Variants in GHRHR observed in about 807,000 individuals in gnomAD.
GHRHR encodes growth hormone-releasing hormone receptor.
Under a neutral mutation model 58.3 loss-of-function variants are expected in GHRHR, and 40 were observed. The observed-to-expected ratio is 0.69, with a 90% confidence interval of 0.53 to 0.89. The LOEUF is 0.89. GHRHR is among the 40% of genes least tolerant of loss of function. The probability of loss-of-function intolerance (pLI) is 0.00; values close to 1 mark genes in which losing one functional copy is unlikely to be tolerated. For synonymous variants in GHRHR, 249 were observed against 216.6 expected, an observed-to-expected ratio of 1.15 and a Z score of -1.31; for missense variants, 551 against 541.3, an observed-to-expected ratio of 1.02 and a Z score of -0.18.
At chr7:30,965,856 T>C (rs1562591690) in intron 1 of GHRHR, among the ~76,000 whole-genome samples, 1 of 152,164 alleles carries the variant, frequency 6.6e-6, no homozygotes. Flanking sequence ...TGCTCTTCCT[T>C]CCCCGCTTTG....
intron 9 of GHRHR, 142 bp from the exon 10 acceptor site, chr7:30,975,635 G>A: frequency 1.5e-6 from 1 of 683,634 alleles, no homozygotes; most frequent in Non-Finnish European, 2.7e-6. Context: ...CTGGAGCAAT[G>A]ATCTGTGCAT....
chr7:30,970,682 G>A (rs938561692), intron 4 of GHRHR, among the ~76,000 whole-genome samples: 5 of 152,176 alleles, frequency 3.3e-5, no homozygotes, highest in South Asian at 2.1e-4. Context: ...ACTTGGCCAC[G>A]GAAACCTTTT....
At chr7:30,971,059 GC>G (rs1792471545) in intron 4 of GHRHR, 59 bp from the exon 5 acceptor site, 1 of 774,918 alleles carries the variant, frequency 1.3e-6, no homozygotes, top group African/African-American at 1.7e-5. Flanking sequence ...TGATTGTCAA[GC>G]CTCTCTTTCC....
At chr7:30,971,009 T>TG in intron 4 of GHRHR, 110 bp from the exon 5 acceptor site, 1 of 707,342 alleles carries the variant, frequency 1.4e-6, no homozygotes, top group Non-Finnish European at 2.6e-6. Context: ...TGCCTCCAGA[T>TG]GGGGAGTGTT....
rs1280448070 is a variant in GHRHR, at chr7:30,979,293, C to T, written c.*49C>T. ...TCCACACTTGAATTTGGGCAGCTAC[C>T]ACGGGTCTGCCATGCTCTGGAGGAG... On this transcript the variant is annotated 3_prime_UTR_variant, in exon 13 of 13. Transcript: ENST00000326139. The T allele has an allele frequency of 1.3e-6, 2 of 1,593,442 alleles. No homozygotes were observed. Among genetic ancestry groups the T allele is most frequent in the Non-Finnish European group, 1.7e-6 (2 of 1,166,822 alleles).
Position 30,979,201 on chromosome 7 carries a change from C to G in GHRHR, c.1229C>G (p.Thr410Arg). Reference sequence around the variant, plus strand: ...TGGAGGACCCGTGCTAAGTGGACCACGCCTTCCCGCTCGGCGGCAAAGGTG... The same window carrying G: ...TGGAGGACCCGTGCTAAGTGGACCAGGCCTTCCCGCTCGGCGGCAAAGGTG... The part of the protein sequence containing the change: ...PAWRTRAKWT[T>R]PSRSAAKVLT... Residue 410 changes from threonine to arginine, a missense_variant, in exon 13 of 13, where the codon ACG (threonine) becomes AGG (arginine). Thr to Arg is a moderately conservative substitution (Grantham distance 71). Transcript: ENST00000326139. 1 of 1,614,020 alleles carries G rather than the reference C, an allele frequency of 6.2e-7. No homozygotes were observed. The highest frequency in any genetic ancestry group is 8.5e-7 in the Non-Finnish European group (1 of 1,179,848).
intron 4 of GHRHR, chr7:30,970,850 C>T: frequency 1.9e-6 from 1 of 524,490 alleles, no homozygotes. Context: ...TCTGCGGCTG[C>T]CTCTCCTCAC....
rs1244351992 is a variant in GHRHR, at chr7:30,969,848, A to T, written c.269-19A>T. 1.9e-6 allele frequency: 3 copies of T among 1,613,062 alleles called. No homozygotes were observed. Among genetic ancestry groups the T allele is most frequent in the Non-Finnish European group, 2.5e-6 (3 of 1,179,080 alleles). ...GAGAGGGAAGGAGTTGTGGCTAGAG[A>T]GTCTTGCTTGCCTCCCAGGGGCTGT... On this transcript the variant is annotated intron_variant, in intron 3 of 12. Coordinates refer to ENST00000326139, the MANE Select transcript of GHRHR (RefSeq NM_000823.4).
At chr7:30,975,894 A>G in intron 10 of GHRHR, 26 bp downstream of exon 10, 1 of 1,319,230 alleles carries the variant, frequency 7.6e-7, no homozygotes, top group Non-Finnish European at 1.1e-6. Context: ...GTCTGGGGAT[A>G]CTGGGAAAGG....
At chr7:30,977,219 G>T in intron 11 of GHRHR, 62 bp from the exon 12 acceptor site, 1 of 1,474,790 alleles carries the variant, frequency 6.8e-7, no homozygotes. Context: ...GCAGAAAGAC[G>T]GTGGACACCT....
At chr7:30,974,709 T>G (rs1792542826) in intron 8 of GHRHR, among the ~76,000 whole-genome samples, 1 of 148,890 alleles carries the variant, frequency 6.7e-6, no homozygotes, top group East Asian at 2.0e-4. Flanking sequence ...TGGGGGAAGG[T>G]GGGGTGAGGG....
rs200997755 is a variant in GHRHR at position 30,975,051 on chromosome 7, G to A, written c.882+11G>A. 1.0e-4 allele frequency: 158 copies of A among 1,585,466 alleles called. No individual in the cohort carries two copies. In the East Asian group the frequency reaches 3.5e-3, roughly 35 times the overall value. On this transcript the variant is annotated intron_variant, in intron 9 of 12. Coordinates refer to ENST00000326139, the MANE Select transcript of GHRHR (RefSeq NM_000823.4). ...GTCCTCTCGGTCGGGGTCAGTCCCT[G>A]GGCCAGTGCCCTTTGCTTTATTCAG...
intron 12 of GHRHR, 27 bp downstream of exon 12, chr7:30,977,349 A>G (rs1200736025): frequency 6.2e-7 from 1 of 1,608,164 alleles, no homozygotes; most frequent in Non-Finnish European, 8.5e-7. Context: ...GCTATCCCTC[A>G]TGGAGTCCCC....
chr7:30,978,615 C>T (rs1488914316), intron 12 of GHRHR, among the ~76,000 whole-genome samples: 1 of 152,148 alleles, frequency 6.6e-6, no homozygotes, highest in Non-Finnish European at 1.5e-5. Flanking sequence ...AGCACCCCCA[C>T]CCCCCAATCC....
Position 30,969,077 on chromosome 7 carries a change from T to C in GHRHR, c.175T>C (p.Trp59Arg). Residue 59 changes from tryptophan (W) to arginine (R), a missense_variant, in exon 3 of 13, where the codon TGG (tryptophan) becomes CGG (arginine). Transcript: ENST00000326139. ...TCTCTATCCAGGCTGCCCTGCGACC[T>C]GGGATGGGCTGCTGTGCTGGCCAAC... ...PNTTLGCPAT[W>R]DGLLCWPTAG... 6.3e-7 allele frequency: 1 copy of C among 1,580,066 alleles called. No individual in the cohort carries two copies. The highest frequency in any genetic ancestry group is 8.6e-7 in the Non-Finnish European group (1 of 1,162,534).
rs375830797 is a variant in GHRHR, at chr7:30,972,102, G to T, written c.597+7G>T. Reference sequence around the variant, plus strand: ...CCACTGCAGCTTCTCCACTGTAATGGCCATGGGTGAAGGGGCTGGGCAGGT... The same window carrying T: ...CCACTGCAGCTTCTCCACTGTAATGTCCATGGGTGAAGGGGCTGGGCAGGT... On this transcript the variant is annotated splice_region_variant and intron_variant, in intron 6 of 12. Coordinates refer to ENST00000326139, the MANE Select transcript of GHRHR (RefSeq NM_000823.4). The T allele has an allele frequency of 2.5e-5, 40 of 1,613,698 alleles. No homozygotes were observed. Among genetic ancestry groups the T allele is most frequent in the Middle Eastern group, 1.6e-4 (1 of 6,084 alleles).
chr7:30,966,665 T>C (rs868411133), intron 1 of GHRHR, among the ~76,000 whole-genome samples: 9 of 151,814 alleles, frequency 5.9e-5, no homozygotes, highest in Middle Eastern at 3.4e-3. Flanking sequence ...TTTTCTGAGA[T>C]GGAGTCTCAC....
At chr7:30,971,070 C>A in intron 4 of GHRHR, 49 bp from the exon 5 acceptor site, 1 of 829,708 alleles carries the variant, frequency 1.2e-6, no homozygotes, top group Non-Finnish European at 2.1e-6. Flanking sequence ...CCTCTCTTTC[C>A]TCCAAAGGCC....
At chr7:30,969,796 C>T (rs751655333) in intron 3 of GHRHR, 71 bp from the exon 4 acceptor site, 1 of 1,479,576 alleles carries the variant, frequency 6.8e-7, no homozygotes, top group East Asian at 2.3e-5. Flanking sequence ...ACTTGATGGT[C>T]CCTGGCACCC....
Sources: allele counts gnomAD v4.1 joint callset (sites outside exome capture counted in the v4.1 genomes callset), GRCh38; gene constraint gnomAD v4.1.1; transcripts MANE v1.5; gene names NCBI Gene and HGNC (gene_info 2026-07-23, HGNC 2026-07-21).